Variants in FGF13 observed in about 807,000 individuals in gnomAD.
FGF13 encodes fibroblast growth factor homologous factor 2.
A neutral mutation model predicts 19.5 loss-of-function variants in FGF13; 2 were observed. The observed-to-expected ratio is 0.10, with a 90% CI of 0.04 to 0.32. The LOEUF (loss-of-function observed/expected upper bound fraction) is 0.32, where lower values mean the gene tolerates loss of function less well. Among genes scored for constraint, FGF13 ranks in the 10% least tolerant of loss-of-function variants. The probability of loss-of-function intolerance (pLI) is 1.00; values close to 1 mark genes in which losing one functional copy is unlikely to be tolerated. For missense variants in FGF13, 113 were observed against 192.7 expected (o/e 0.59, Z 2.45); for synonymous variants, 72 against 76.9 (o/e 0.94, Z 0.33).
At chrX:139,033,671 C>T (rs752566076) in intron 1 of FGF13, among the ~76,000 whole-genome samples, 25 of 111,875 alleles carry the variant, frequency 2.2e-4, no homozygotes, top group Middle Eastern at 4.2e-3. Context: ...TTTTATAACA[C>T]CCGCCTCTGT....
At chrX:139,203,818 G>A (rs1180305682), upstream of FGF13, among the ~76,000 whole-genome samples, 3 of 112,303 alleles carry the variant, frequency 2.7e-5, no homozygotes, top group African/African-American at 9.7e-5. Flanking sequence ...GTCCAGAGGG[G>A]AAGTGGAGGA....
At position 138,984,496 on chromosome X, in the gene FGF13, AGAAGGAGAAGAAGAGGAAGAAGAAGAG is replaced by A. The variant is rs2091978536; in HGVS notation, c.-112-119873_-112-119847del. ...AAGGAGAAGGAGAAGAAGGAGAAGG[AGAAGGAGAAGAAGAGGAAGAAGAAGAG>A]GAAGAAGAAGAAGAAGAAGAAGAAG... On this transcript the variant is annotated intron_variant, in intron 1 of 2. Transcript: ENST00000421460. 6.2e-4 allele frequency among the ~76,000 whole-genome samples: 3 copies of A among 4,863 alleles called. 1 individual carries two copies. The highest frequency in any genetic ancestry group is 1.4e-3 in the African/African-American group (2 of 1,476). The allele number at this position is 4,863 out of a possible 115,157, so 4.2% of individuals were successfully genotyped here.
intron 1 of FGF13, among the ~76,000 whole-genome samples, chrX:138,941,260 G>T (rs759852284): frequency 1.8e-5 from 2 of 111,857 alleles, no homozygotes; most frequent in African/African-American, 3.3e-5. Flanking sequence ...AGGAAGAGAG[G>T]AAGTCAGACT....
At chrX:139,136,067 CA>C (rs1419329183) in intron 1 of FGF13, among the ~76,000 whole-genome samples, 1 of 111,712 alleles carries the variant, frequency 9.0e-6, no homozygotes, top group Non-Finnish European at 1.9e-5. Flanking sequence ...TTAACTCTTC[CA>C]AAAACCTCTC....
rs766250789 is a variant in FGF13 at position 139,158,203 on chromosome X, G to C, written c.-113+45213C>G. ...GGCCATTTGGGCAGACACCTAGCTA[G>C]CTGCAGCATTTTTTTTTTTTGATAT... is the stretch of plus-strand genomic sequence containing the variant. On this transcript the variant is annotated intron_variant, in intron 1 of 2. Transcript: ENST00000421460. Among the ~76,000 whole-genome samples the C allele has an allele frequency of 1.4e-4, 13 of 95,626 alleles. No individual in the cohort carries two copies. In the South Asian group the frequency reaches 5.7e-3, roughly 42 times the overall value. The allele number at this position is 95,626 out of a possible 115,157, so 83.0% of individuals were successfully genotyped here. A position where few individuals can be genotyped will look rare whatever the true frequency, so the allele number is the denominator to read the frequency against.
intron 1 of FGF13, among the ~76,000 whole-genome samples, chrX:138,721,161 C>A (rs1385313170): frequency 1.8e-5 from 2 of 111,443 alleles, no homozygotes; most frequent in Non-Finnish European, 3.8e-5. Context: ...GGTAAGTCAG[C>A]CATTCTCCTG....
At chrX:139,062,583 A>G (rs1024030254) in intron 1 of FGF13, among the ~76,000 whole-genome samples, 2 of 112,192 alleles carry the variant, frequency 1.8e-5, no homozygotes, top group African/African-American at 3.2e-5. Flanking sequence ...ACTTCAGTGA[A>G]GAATGCCACT....
chrX:138,987,996 T>A (rs2092000634), intron 1 of FGF13, among the ~76,000 whole-genome samples: 2 of 112,252 alleles, frequency 1.8e-5, no homozygotes, highest in Non-Finnish European at 3.8e-5. Context: ...AAATAATAGT[T>A]TGATTTGTAC....
intron 1 of FGF13, among the ~76,000 whole-genome samples, chrX:139,183,842 C>A (rs1384739762): frequency 1.8e-5 from 2 of 111,741 alleles, no homozygotes; most frequent in Non-Finnish European, 3.8e-5. Flanking sequence ...AAATACTGAA[C>A]AACAACCACT....
intron 1 of FGF13, chrX:138,739,231 A>G: frequency 9.6e-7 from 1 of 1,040,344 alleles, no homozygotes; most frequent in Non-Finnish European, 1.4e-6. Flanking sequence ...CATTGCAGAA[A>G]TAAATCTTAC....
intron 1 of FGF13, among the ~76,000 whole-genome samples, chrX:139,048,999 C>G (rs1183969078): frequency 9.0e-6 from 1 of 111,191 alleles, no homozygotes; most frequent in Non-Finnish European, 1.9e-5. Flanking sequence ...AATGAAAATG[C>G]CATTTATATT....
chrX:138,710,806 C>T lies in FGF13; in HGVS notation c.187+11G>A. 2 of 1,210,808 alleles carry T rather than the reference C, an allele frequency of 1.7e-6. No homozygotes were observed. Among genetic ancestry groups the T allele is most frequent in the Non-Finnish European group, 2.2e-6 (2 of 894,839 alleles). On this transcript the variant is annotated intron_variant, in intron 1 of 4. Transcript: ENST00000315930. ...AAGTATGGGGAAAAGAAAGCAAAAGCCCTTTCCGACCTGGTCTTCTTCTGC... is the reference window on the plus strand; with the variant it reads ...AAGTATGGGGAAAAGAAAGCAAAAGTCCTTTCCGACCTGGTCTTCTTCTGC...
At chrX:139,100,905 A>G (rs62603185) in intron 1 of FGF13, among the ~76,000 whole-genome samples, 13,016 of 110,456 alleles carry the variant, frequency 0.12, 566 homozygotes, top group South Asian at 0.22. Flanking sequence ...TGGATATACT[A>G]TTAATATCAT....
At chrX:138,912,928 T>A (rs898078461) in intron 1 of FGF13, among the ~76,000 whole-genome samples, 34 of 111,166 alleles carry the variant, frequency 3.1e-4, no homozygotes, top group Middle Eastern at 4.6e-3. Context: ...CTTCCTCTAT[T>A]TGCACGCAGT....
intron 1 of FGF13, among the ~76,000 whole-genome samples, chrX:138,931,760 T>G (rs1451458854): frequency 5.3e-5 from 6 of 112,180 alleles, no homozygotes; most frequent in African/African-American, 1.9e-4. Flanking sequence ...AAACCTCAAA[T>G]GTACTGTACT....
chrX:138,823,363 C>T (rs1469340423), intron 3 of FGF13, among the ~76,000 whole-genome samples: 1 of 111,365 alleles, frequency 9.0e-6, no homozygotes, highest in East Asian at 2.9e-4. Context: ...CCTGGCCTCT[C>T]CTCTTTCTGG....
intron 3 of FGF13, among the ~76,000 whole-genome samples, chrX:138,826,867 T>G (rs957721684): frequency 8.9e-6 from 1 of 112,495 alleles, no homozygotes; most frequent in Non-Finnish European, 1.9e-5. Flanking sequence ...AATAGCTACA[T>G]ACCTTAAGTA....
chrX:139,001,158 T>C (rs1268493254), intron 1 of FGF13, among the ~76,000 whole-genome samples: 1 of 112,003 alleles, frequency 8.9e-6, no homozygotes, highest in Non-Finnish European at 1.9e-5. Context: ...CTGTTTCCCT[T>C]CCTTACACCT....
intron 1 of FGF13, among the ~76,000 whole-genome samples, chrX:138,899,406 A>G (rs958387504): frequency 9.0e-6 from 1 of 111,205 alleles, no homozygotes; most frequent in Non-Finnish European, 1.9e-5. Context: ...CTCATATCCC[A>G]TGGGGCATCC....
Sources: gnomAD v4.1 joint callset for allele counts (sites outside exome capture counted in the v4.1 genomes callset) on GRCh38, gnomAD v4.1.1 for gene constraint, MANE v1.5 for transcripts, NCBI Gene and HGNC (gene_info 2026-07-23, HGNC 2026-07-21) for gene names.